The following MICOS10 variants were observed in gnomAD, a reference collection of about 807,000 sequenced individuals.
The protein encoded by MICOS10 is MICOS complex subunit MIC10.
A neutral mutation model predicts 13.4 loss-of-function variants in MICOS10; 5 were observed. The observed-to-expected ratio is 0.37, with a 90% CI of 0.20 to 0.78. The LOEUF (loss-of-function observed/expected upper bound fraction) is 0.78, where lower values mean the gene tolerates loss of function less well. Among genes scored for constraint, MICOS10 ranks in the 30% least tolerant of loss-of-function variants. The pLI is 0.47. For missense variants in MICOS10, 101 were observed against 94.6 expected (o/e 1.07, Z -0.28); for synonymous variants, 35 against 33.6 (o/e 1.04, Z -0.15).
intron 1 of MICOS10, among the ~76,000 whole-genome samples, chr1:19,614,265 T>G (rs941760295): frequency 2.3e-4 from 35 of 151,648 alleles, no homozygotes; most frequent in African/African-American, 8.2e-4. Flanking sequence ...TGTTTTATAA[T>G]TATCCAGGTA....
chr1:19,607,605 A>G (rs2094840225), intron 1 of MICOS10, among the ~76,000 whole-genome samples: 1 of 152,226 alleles, frequency 6.6e-6, no homozygotes, highest in African/African-American at 2.4e-5. Context: ...TTAATGTGCC[A>G]TCATATTTGG....
chr1:19,604,603 G>T (rs968032544), intron 1 of MICOS10, among the ~76,000 whole-genome samples: 3 of 152,132 alleles, frequency 2.0e-5, no homozygotes, highest in Non-Finnish European at 2.9e-5. Flanking sequence ...GCTATTGTGG[G>T]TCGTAGGTGG....
chr1:19,608,098 GA>G (rs769629654), intron 1 of MICOS10: 2 of 921,934 alleles, frequency 2.2e-6, no homozygotes, highest in Admixed American at 3.4e-5. Context: ...GTGGAGTCTG[GA>G]GACGACGTGC....
intron 1 of MICOS10, among the ~76,000 whole-genome samples, chr1:19,603,548 C>T (rs538681307): frequency 6.6e-6 from 1 of 152,174 alleles, no homozygotes; most frequent in South Asian, 2.1e-4. Context: ...TGGATTCATA[C>T]GGAGGTCCTG....
At chr1:19,612,198 A>G (rs1288337049) in intron 1 of MICOS10, among the ~76,000 whole-genome samples, 1 of 147,188 alleles carries the variant, frequency 6.8e-6, no homozygotes, top group Non-Finnish European at 1.5e-5. Flanking sequence ...GCCCACCACC[A>G]TGCCTGGCTA....
At position 19,600,306 on chromosome 1, in the gene MICOS10, TGA is replaced by T. The variant is rs796106654; in HGVS notation, c.64+3205_64+3206del. Among the ~76,000 whole-genome samples the T allele has an allele frequency of 5.4e-4, 82 of 151,182 alleles. 2 individuals are homozygous for T. Among genetic ancestry groups the T allele is most frequent in the African/African-American group, 1.9e-3 (76 of 41,000 alleles). On this transcript the variant is annotated intron_variant, in intron 1 of 3. Coordinates refer to ENST00000322753, the MANE Select transcript of MICOS10 (RefSeq NM_001032363.4). ...GGGAGTTGTCCTGTTGGTGATGGGCTGAGAGAGAGGGCGGAAGAGAGAAGAAG... is the reference window on the plus strand; with the variant it reads ...GGGAGTTGTCCTGTTGGTGATGGGCTGAGAGAGGGCGGAAGAGAGAAGAAG...
chr1:19,611,133 G>T (rs548232808), intron 1 of MICOS10, among the ~76,000 whole-genome samples: 165 of 151,946 alleles, frequency 1.1e-3, no homozygotes, highest in Admixed American at 2.3e-3. Flanking sequence ...TGTATTTTTA[G>T]TAGAGACAGG....
In MICOS10 at chr1:19,623,387, A is replaced by G. The variant is rs2094911146; in HGVS notation, c.113-87A>G. 6.4e-6 allele frequency: 5 copies of G among 775,326 alleles called. No homozygotes were observed. The East Asian group carries it at 1.2e-4, about 19-fold the overall frequency. 48.0% of individuals were successfully genotyped at this position (775,326 alleles called of 1,614,324 possible). A position where few individuals can be genotyped will look rare whatever the true frequency, so the allele number is the denominator to read the frequency against. On this transcript the variant is annotated intron_variant, in intron 2 of 3. Transcript: ENST00000322753. ...ATGATGCACGTTGAATATTTATTGA[A>G]CCCTAAGTAAATGTATTTAAGAGGA... is the stretch of plus-strand genomic sequence containing the variant.
At chr1:19,604,209 A>AATATT (rs2094826423) in intron 1 of MICOS10, among the ~76,000 whole-genome samples, 1 of 152,154 alleles carries the variant, frequency 6.6e-6, no homozygotes. Flanking sequence ...GTACTTACTA[A>AATATT]ATATTATTAA....
At chr1:19,625,271 CAAGTA>C in intron 3 of MICOS10, 1 of 1,039,844 alleles carries the variant, frequency 9.6e-7, no homozygotes, top group South Asian at 1.6e-5. Context: ...ACTGTAACAA[CAAGTA>C]GAGTGGAAAA....
chr1:19,599,434 C>T (rs1040695362), intron 1 of MICOS10, among the ~76,000 whole-genome samples: 6 of 152,102 alleles, frequency 3.9e-5, no homozygotes, highest in Non-Finnish European at 8.8e-5. Context: ...GTCTCTCATG[C>T]GTAGAACGTT....
chr1:19,618,176 G>A (rs986377719), intron 1 of MICOS10, among the ~76,000 whole-genome samples: 11 of 142,830 alleles, frequency 7.7e-5, no homozygotes, highest in African/African-American at 2.4e-4. Flanking sequence ...GTATGATCAT[G>A]GCTCACTGCA....
At chr1:19,613,081 C>T (rs960325462) in intron 1 of MICOS10, among the ~76,000 whole-genome samples, 1 of 152,108 alleles carries the variant, frequency 6.6e-6, no homozygotes, top group Non-Finnish European at 1.5e-5. Flanking sequence ...TTCATTTCTG[C>T]CTATCATGGA....
At position 19,626,420 on chromosome 1, in the gene MICOS10, C is replaced by G; in HGVS notation, c.*19C>G. The G allele has an allele frequency of 1.9e-6, 3 of 1,613,828 alleles. No individual in the cohort carries two copies. Among genetic ancestry groups the G allele is most frequent in the Non-Finnish European group, 2.5e-6 (3 of 1,179,764 alleles). ...GCAGTGACTTCACCTGAGAACATCC[C>G]AGCGGGAGGACAAGAGAAATCATGT... On this transcript the variant is annotated 3_prime_UTR_variant, in exon 4 of 4. Transcript: ENST00000322753.
In MICOS10 at chr1:19,627,536, A is replaced by G. The variant is rs1351458924; in HGVS notation, c.*1135A>G. Reference sequence around the variant, plus strand: ...GAGAAGAGAGGTGTAGGCAAAGTACACTGAGAACAAAGGAGAAGGAGCAAC... The same window carrying G: ...GAGAAGAGAGGTGTAGGCAAAGTACGCTGAGAACAAAGGAGAAGGAGCAAC... On this transcript the variant is annotated 3_prime_UTR_variant, in exon 4 of 4. Transcript: ENST00000322753. The G allele has an allele frequency of 6.6e-6, 1 of 152,208 alleles. No homozygotes were observed. The highest frequency in any genetic ancestry group is 2.4e-5 in the African/African-American group (1 of 41,436). The allele number at this position is 152,208 out of a possible 1,614,324, so 9.4% of individuals were successfully genotyped here. A position where few individuals can be genotyped will look rare whatever the true frequency, so the allele number is the denominator to read the frequency against.
chr1:19,622,251 C>A, intron 2 of MICOS10, 104 bp downstream of exon 2: 1 of 814,892 alleles, frequency 1.2e-6, no homozygotes, highest in African/African-American at 1.8e-5. Context: ...TGTGGGTTGC[C>A]AACCCATCCA....
chr1:19,624,390 G>A lies in MICOS10; in HGVS notation c.222+807G>A, dbSNP rs142018622. Among the ~76,000 whole-genome samples the A allele has an allele frequency of 7.4e-3, 1,121 of 151,986 alleles. 7 individuals carry two copies. The highest frequency in any genetic ancestry group is 0.011 in the Non-Finnish European group (723 of 67,984). On this transcript the variant is annotated intron_variant, in intron 3 of 3. Coordinates refer to ENST00000322753, the MANE Select transcript of MICOS10 (RefSeq NM_001032363.4). The stretch of plus-strand genomic sequence containing the variant: ...CGACCTCTGCCTCCCGGGTTCAAGC[G>A]ATTCTTCTGCCTCAGCCTCCCGAGT...
At chr1:19,610,016 C>G (rs1318315899) in intron 1 of MICOS10, among the ~76,000 whole-genome samples, 2 of 152,062 alleles carry the variant, frequency 1.3e-5, no homozygotes, top group Non-Finnish European at 2.9e-5. Flanking sequence ...GTGGTGCTCA[C>G]CTGTAATCCC....
In MICOS10 at chr1:19,629,765, T is replaced by A. The variant is rs1011762709; in HGVS notation, c.*3364T>A. ...TTGTCGTGGTTCGATCTGATTGTAT[T>A]GTCGAAGGACTATTTTTGAACCTGT... On this transcript the variant is annotated 3_prime_UTR_variant, in exon 4 of 4. Transcript: ENST00000322753. 1 of 152,258 alleles carries A rather than the reference T, an allele frequency of 6.6e-6. No homozygotes were observed. Among genetic ancestry groups the A allele is most frequent in the African/African-American group, 2.4e-5 (1 of 41,472 alleles). 9.4% of individuals were successfully genotyped at this position (152,258 alleles called of 1,614,324 possible).
Sources: allele counts gnomAD v4.1 joint callset (sites outside exome capture counted in the v4.1 genomes callset), GRCh38; gene constraint gnomAD v4.1.1; transcripts MANE v1.5; gene names NCBI Gene and HGNC (gene_info 2026-07-23, HGNC 2026-07-21).